The following MSRA variants were observed in gnomAD, a reference collection of about 807,000 sequenced individuals.
The protein encoded by MSRA is mitochondrial peptide methionine sulfoxide reductase.
A neutral mutation model predicts 31.3 loss-of-function variants in MSRA; 54 were observed. That is an observed-to-expected ratio of 1.73 (90% CI 1.39 to 2.17). MSRA has a LOEUF of 2.17. MSRA is among the 30% of genes most tolerant of loss of function. The probability of loss-of-function intolerance (pLI) is 0.00; values close to 1 mark genes in which losing one functional copy is unlikely to be tolerated. For synonymous variants in MSRA, 169 were observed against 116.5 expected, an observed-to-expected ratio of 1.45 and a Z score of -2.90; for missense variants, 507 against 300.9, an observed-to-expected ratio of 1.69 and a Z score of -5.07.
At chr8:10,119,707 G>C (rs551463407) in intron 1 of MSRA, among the ~76,000 whole-genome samples, 7 of 152,338 alleles carry the variant, frequency 4.6e-5, no homozygotes, top group Non-Finnish European at 7.3e-5. Flanking sequence ...ACAGTCGTAA[G>C]GGAGGAGAGA....
chr8:10,282,803 T>C (rs1280350244), intron 3 of MSRA, among the ~76,000 whole-genome samples: 1 of 152,186 alleles, frequency 6.6e-6, no homozygotes. Flanking sequence ...CAAATCTGTA[T>C]TCTTGATCCT....
intron 1 of MSRA, among the ~76,000 whole-genome samples, chr8:10,078,304 C>T (rs575046158): frequency 2.2e-4 from 33 of 152,282 alleles, no homozygotes; most frequent in Admixed American, 2.0e-3. Context: ...TGGTAGAGAC[C>T]AGGATGGAAG....
chr8:10,121,675 C>T (rs1490306708), intron 1 of MSRA, among the ~76,000 whole-genome samples: 1 of 151,776 alleles, frequency 6.6e-6, no homozygotes, highest in Admixed American at 6.6e-5. Flanking sequence ...CTCTCCCTCT[C>T]TCTTTTTTTT....
At chr8:10,166,741 A>AGCTGG (rs1244042969) in intron 1 of MSRA, among the ~76,000 whole-genome samples, 2 of 151,994 alleles carry the variant, frequency 1.3e-5, no homozygotes, top group African/African-American at 2.4e-5. Flanking sequence ...TTACCATCTT[A>AGCTGG]GCTGGGCCCT....
At chr8:10,105,824 C>T (rs1379595076) in intron 1 of MSRA, among the ~76,000 whole-genome samples, 2 of 152,202 alleles carry the variant, frequency 1.3e-5, no homozygotes, top group Admixed American at 1.3e-4. Context: ...CGACTTTGCT[C>T]ATGCTGTCCC....
At chr8:10,198,503 A>T (rs1808194912) in intron 1 of MSRA, among the ~76,000 whole-genome samples, 1 of 152,158 alleles carries the variant, frequency 6.6e-6, no homozygotes, top group Admixed American at 6.5e-5. Flanking sequence ...GTTTTTCTGT[A>T]TTTTAAACAG....
At chr8:10,265,034 T>G (rs927687405) in intron 3 of MSRA, among the ~76,000 whole-genome samples, 1 of 152,162 alleles carries the variant, frequency 6.6e-6, no homozygotes, top group African/African-American at 2.4e-5. Context: ...CTGAGGTATT[T>G]GTCTTTAATT....
intron 5 of MSRA, among the ~76,000 whole-genome samples, chr8:10,345,120 C>T (rs1170356578): frequency 1.3e-5 from 2 of 152,148 alleles, no homozygotes; most frequent in South Asian, 4.1e-4. Context: ...CCATGCTGAA[C>T]CCCAATTCCA....
At chr8:10,382,042 C>T (rs1357982122) in intron 5 of MSRA, among the ~76,000 whole-genome samples, 2 of 152,226 alleles carry the variant, frequency 1.3e-5, no homozygotes, top group East Asian at 3.8e-4. Flanking sequence ...ACAAGGTTCT[C>T]CTGCCCAGTA....
intron 3 of MSRA, among the ~76,000 whole-genome samples, chr8:10,293,146 T>C (rs1371987476): frequency 3.3e-5 from 5 of 152,170 alleles, no homozygotes. Context: ...CATGAGTCTA[T>C]GGATCTAGAG....
chr8:10,428,136 G>A lies in MSRA; in HGVS notation c.544-12G>A, dbSNP rs770641155. 1.9e-6 allele frequency: 3 copies of A among 1,607,100 alleles called. No individual in the cohort carries two copies. The South Asian group carries it at 3.3e-5, about 18-fold the overall frequency. On this transcript the variant is annotated splice_polypyrimidine_tract_variant and intron_variant, in intron 5 of 5. Coordinates refer to ENST00000317173, the MANE Select transcript of MSRA (RefSeq NM_012331.5). ...GCATGGGAGCTGATGGCGCCTTTCT[G>A]TGTCCCCACAGGTTCTTTCAGAGCA...
intron 1 of MSRA, among the ~76,000 whole-genome samples, chr8:10,114,333 A>G (rs548708811): frequency 9.8e-5 from 15 of 152,298 alleles, no homozygotes; most frequent in African/African-American, 2.6e-4. Flanking sequence ...TATGTTTTCA[A>G]TTATCTGGGG....
intron 1 of MSRA, among the ~76,000 whole-genome samples, chr8:10,136,111 AAGTG>A (rs751129232): frequency 1.3e-5 from 2 of 152,116 alleles, no homozygotes; most frequent in Non-Finnish European, 2.9e-5. Context: ...TAGGCCATGA[AAGTG>A]AGTAACACAT....
At chr8:10,116,939 C>G (rs752459746) in intron 1 of MSRA, among the ~76,000 whole-genome samples, 4 of 152,172 alleles carry the variant, frequency 2.6e-5, no homozygotes, top group African/African-American at 9.6e-5. Flanking sequence ...GCACTCTAGC[C>G]TGGGCAACAA....
chr8:10,366,319 A>G (rs977901252), intron 5 of MSRA, among the ~76,000 whole-genome samples: 2 of 152,234 alleles, frequency 1.3e-5, no homozygotes, highest in African/African-American at 4.8e-5. Flanking sequence ...ACCTGCCTAC[A>G]GTTTGAAACT....
intron 3 of MSRA, among the ~76,000 whole-genome samples, chr8:10,274,612 G>T (rs1325697555): frequency 1.3e-5 from 2 of 152,042 alleles, no homozygotes; most frequent in Admixed American, 1.3e-4. Context: ...ATATATAGAG[G>T]TCAGCCTACC....
intron 1 of MSRA, among the ~76,000 whole-genome samples, chr8:10,085,708 G>C (rs1798524047): frequency 6.6e-6 from 1 of 152,172 alleles, no homozygotes; most frequent in African/African-American, 2.4e-5. Context: ...TTAGAACACT[G>C]TCATCACCCC....
intron 5 of MSRA, among the ~76,000 whole-genome samples, chr8:10,382,010 A>T (rs921644656): frequency 1.3e-5 from 2 of 152,212 alleles, no homozygotes; most frequent in Non-Finnish European, 1.5e-5. Context: ...TAGTAATGCT[A>T]AGCCATTTCT....
intron 2 of MSRA, among the ~76,000 whole-genome samples, chr8:10,211,504 G>A (rs1035605697): frequency 1.3e-5 from 2 of 152,112 alleles, no homozygotes; most frequent in African/African-American, 4.8e-5. Context: ...GTCAGTGGGA[G>A]CCCTCTGCTT....
Sources: allele counts gnomAD v4.1 joint callset (sites outside exome capture counted in the v4.1 genomes callset), GRCh38; gene constraint gnomAD v4.1.1; transcripts MANE v1.5; gene names NCBI Gene and HGNC (gene_info 2026-07-23, HGNC 2026-07-21).